Variants in PKHD1 observed in about 807,000 individuals in gnomAD.
PKHD1 encodes the protein PKHD1 ciliary IPT domain containing fibrocystin/polyductin, also known as fibrocystin.
A neutral mutation model predicts 412.0 loss-of-function variants in PKHD1; 291 were observed. The ratio of observed to expected loss-of-function variants is 0.71; its 90% confidence interval spans 0.64 to 0.78. The LOEUF is 0.78. Among genes scored for constraint, PKHD1 ranks in the 30% least tolerant of loss-of-function variants. The pLI, the probability that PKHD1 is intolerant of heterozygous loss-of-function variation, is 0.00. For synonymous variants in PKHD1, 1,777 were observed against 1,821.5 expected, an observed-to-expected ratio of 0.98 and a Z score of 0.62; for missense variants, 4,825 against 4,950.7, an observed-to-expected ratio of 0.97 and a Z score of 0.76.
At chr6:51,739,891 G>A (rs1050727534) in intron 60 of PKHD1, 6 of 456,762 alleles carry the variant, frequency 1.3e-5, no homozygotes, top group South Asian at 4.8e-5. Context: ...TGTGTGAACC[G>A]GGGTGTGAGG....
chr6:51,854,722 A>G (rs1054391065), intron 49 of PKHD1, among the ~76,000 whole-genome samples: 5 of 152,244 alleles, frequency 3.3e-5, no homozygotes, highest in African/African-American at 1.2e-4. Context: ...AGACAGCCAC[A>G]GCTGGTATGT....
chr6:51,697,363 T>C (rs1259097808), intron 60 of PKHD1, among the ~76,000 whole-genome samples: 1 of 152,206 alleles, frequency 6.6e-6, no homozygotes, highest in African/African-American at 2.4e-5. Flanking sequence ...TCAAATCTGA[T>C]TGGAGAGGTC....
chr6:51,934,505 T>C (rs1340094797), intron 36 of PKHD1, among the ~76,000 whole-genome samples, 183 bp from the exon 37 acceptor site: 1 of 152,230 alleles, frequency 6.6e-6, no homozygotes, highest in Non-Finnish European at 1.5e-5. Flanking sequence ...GGAAGCACTA[T>C]TATTTAGCCA....
At chr6:51,759,441 G>A (rs1441162544) in intron 55 of PKHD1, among the ~76,000 whole-genome samples, 1 of 152,112 alleles carries the variant, frequency 6.6e-6, no homozygotes, top group Non-Finnish European at 1.5e-5. Context: ...GAATGAAACT[G>A]AGGGGAATTA....
chr6:51,658,107 A>C (rs1299391589), intron 61 of PKHD1, among the ~76,000 whole-genome samples: 1 of 152,140 alleles, frequency 6.6e-6, no homozygotes, highest in East Asian at 1.9e-4. Context: ...ACACAATATT[A>C]TAATAATGTC....
At chr6:52,019,280 C>T (rs562549123) in intron 33 of PKHD1, among the ~76,000 whole-genome samples, 31 of 152,348 alleles carry the variant, frequency 2.0e-4, no homozygotes, top group Non-Finnish European at 3.1e-4. Flanking sequence ...CATTACAGTG[C>T]TGTGGCAAGG....
At position 51,633,240 on chromosome 6, in the gene PKHD1, A is replaced by G. The variant is rs533732447; in HGVS notation, c.11507-517T>C. ...ACAATGGCAGATAGAACTGCCGGCC[A>G]TGAATGATGGGGCAAGATAGCATCC... On this transcript the variant is annotated intron_variant, in intron 64 of 66. Coordinates refer to ENST00000371117, the MANE Select transcript of PKHD1 (RefSeq NM_138694.4). 5.3e-5 allele frequency among the ~76,000 whole-genome samples: 8 copies of G among 152,300 alleles called. No individual in the cohort carries two copies. In the South Asian group the frequency reaches 1.5e-3, roughly 28 times the overall value.
chr6:51,795,326 C>A (rs1197906736), intron 52 of PKHD1, among the ~76,000 whole-genome samples: 1 of 152,042 alleles, frequency 6.6e-6, no homozygotes, highest in Non-Finnish European at 1.5e-5. Flanking sequence ...TGGCTCTTGG[C>A]TTGTCTATTG....
At chr6:51,800,540 A>T (rs1762746903) in intron 52 of PKHD1, among the ~76,000 whole-genome samples, 1 of 152,208 alleles carries the variant, frequency 6.6e-6, no homozygotes, top group Non-Finnish European at 1.5e-5. Flanking sequence ...GTTACAAAGC[A>T]TTCCATGTAA....
chr6:52,014,826 A>ATGGATGGATGGG, intron 34 of PKHD1, among the ~76,000 whole-genome samples: 1 of 152,002 alleles, frequency 6.6e-6, no homozygotes, highest in African/African-American at 2.4e-5. Flanking sequence ...GGATGGATGG[A>ATGGATGGATGGG]CGGACGAATA....
At chr6:51,740,480 A>C (rs1261577182) in intron 60 of PKHD1, among the ~76,000 whole-genome samples, 2 of 152,228 alleles carry the variant, frequency 1.3e-5, no homozygotes, top group Non-Finnish European at 2.9e-5. Context: ...AAAGGATATA[A>C]GGGTCTGTTA....
chr6:51,945,231 C>G (rs1019830492), intron 36 of PKHD1, among the ~76,000 whole-genome samples: 6 of 152,182 alleles, frequency 3.9e-5, no homozygotes, highest in Non-Finnish European at 5.9e-5. Flanking sequence ...TATGACAGGA[C>G]TGCCGCATTG....
intron 35 of PKHD1, among the ~76,000 whole-genome samples, chr6:51,982,185 T>TG (rs530587240): frequency 7.6e-4 from 15 of 19,646 alleles, no homozygotes; most frequent in Admixed American, 1.4e-3. Context: ...GGGAGGGAGG[T>TG]GGGGGGGTCA....
chr6:52,049,762 CAT>C (rs1231971583), intron 22 of PKHD1, among the ~76,000 whole-genome samples: 2 of 152,186 alleles, frequency 1.3e-5, no homozygotes, highest in Non-Finnish European at 2.9e-5. Context: ...AAGATTAACA[CAT>C]GAGGAATGCA....
At chr6:51,891,368 C>A (rs982421859) in intron 43 of PKHD1, among the ~76,000 whole-genome samples, 2 of 152,142 alleles carry the variant, frequency 1.3e-5, no homozygotes, top group Non-Finnish European at 2.9e-5. Flanking sequence ...CAACCTCCAC[C>A]TCCCGGATTC....
Position 51,679,916 on chromosome 6 carries a change from T to C in PKHD1, c.10157-19947A>G, listed in dbSNP as rs1776403374. On this transcript the variant is annotated intron_variant, in intron 60 of 66. Transcript: ENST00000371117. ...TGTGAAAGATGTTATACCACAGTGA[T>C]TATTCTCAGGACTCTGGAGCAAACT... 3.9e-5 allele frequency among the ~76,000 whole-genome samples: 6 copies of C among 152,166 alleles called. No homozygotes were observed. The South Asian group carries it at 1.2e-3, about 32-fold the overall frequency.
intron 52 of PKHD1, among the ~76,000 whole-genome samples, chr6:51,804,359 TGGG>T (rs147210503): frequency 0.13 from 4,005 of 31,810 alleles, 691 homozygotes; most frequent in Middle Eastern, 0.25. Flanking sequence ...ACTAATTCAT[TGGG>T]GGGGGGGGGG....
chr6:51,732,309 A>C (rs891907929), intron 60 of PKHD1, among the ~76,000 whole-genome samples: 1 of 152,190 alleles, frequency 6.6e-6, no homozygotes, highest in African/African-American at 2.4e-5. Context: ...AAATATCAAA[A>C]ATTTGTGGAT....
intron 52 of PKHD1, among the ~76,000 whole-genome samples, chr6:51,818,380 C>T (rs1765822915): frequency 6.6e-6 from 1 of 152,158 alleles, no homozygotes; most frequent in Non-Finnish European, 1.5e-5. Context: ...CCCTTAATAA[C>T]ACAGCTTTTT....
Sources: gnomAD v4.1 joint callset for allele counts (sites outside exome capture counted in the v4.1 genomes callset) on GRCh38, gnomAD v4.1.1 for gene constraint, MANE v1.5 for transcripts, NCBI Gene and HGNC (gene_info 2026-07-23, HGNC 2026-07-21) for gene names.